Variants in KNTC1 observed in about 807,000 individuals in gnomAD.
The protein encoded by KNTC1 is kinetochore-associated protein 1.
A neutral mutation model predicts 314.4 loss-of-function variants in KNTC1; 253 were observed. The observed-to-expected ratio is 0.80, with a 90% CI of 0.73 to 0.89. The LOEUF is 0.89. Among genes scored for constraint, KNTC1 ranks in the 40% least tolerant of loss-of-function variants. The pLI is 0.00. For synonymous variants in KNTC1, 901 were observed against 901.4 expected (o/e 1.00, Z 0.01); for missense variants, 2,475 against 2,572.9 (o/e 0.96, Z 0.82).
At chr12:122,544,303 C>G (rs781416213) in intron 8 of KNTC1, 34 bp downstream of exon 8, 1 of 1,051,400 alleles carries the variant, frequency 9.5e-7, no homozygotes, top group Non-Finnish European at 1.4e-6. Context: ...TTTTTTGTTG[C>G]CTAAAGCATT....
At chr12:122,528,117 A>G (rs1289163746) in intron 1 of KNTC1, among the ~76,000 whole-genome samples, 1 of 152,222 alleles carries the variant, frequency 6.6e-6, no homozygotes, top group Non-Finnish European at 1.5e-5. Flanking sequence ...TGTCTGGCAC[A>G]TAGTAAATAG....
chr12:122,625,018 A>G (rs906642429), intron 63 of KNTC1, among the ~76,000 whole-genome samples: 1 of 152,188 alleles, frequency 6.6e-6, no homozygotes, highest in Non-Finnish European at 1.5e-5. Flanking sequence ...CTGAATTCTA[A>G]AAGGTGTTGA....
intron 27 of KNTC1, 74 bp from the exon 28 acceptor site, chr12:122,575,468 AT>A (rs1964951515): frequency 1.1e-6 from 1 of 946,392 alleles, no homozygotes; most frequent in East Asian, 2.6e-5. Context: ...AGACCTGCTG[AT>A]TAGACTGTGC....
In KNTC1 at chr12:122,551,729, C is replaced by G. The variant is rs566201185; in HGVS notation, c.1272+33C>G. Reference sequence around the variant, plus strand: ...TTCATGTATTCATTTGTTCACCAAACAAGCATTTCGTCATGGGCTAGAGGC... The same window carrying G: ...TTCATGTATTCATTTGTTCACCAAAGAAGCATTTCGTCATGGGCTAGAGGC... On this transcript the variant is annotated intron_variant, in intron 16 of 63. Transcript: ENST00000333479. 51 of 1,519,086 alleles carry G rather than the reference C, an allele frequency of 3.4e-5. No homozygotes were observed. The African/African-American group carries it at 6.7e-4, about 20-fold the overall frequency. The allele number at this position is 1,519,086 out of a possible 1,614,324, so 94.1% of individuals were successfully genotyped here. A position where few individuals can be genotyped will look rare whatever the true frequency, so the allele number is the denominator to read the frequency against.
At chr12:122,530,887 C>T (rs780935843) in intron 2 of KNTC1, among the ~76,000 whole-genome samples, 4 of 152,266 alleles carry the variant, frequency 2.6e-5, no homozygotes, top group East Asian at 1.9e-4. Context: ...GAGGTTTATC[C>T]GTGCATTTCT....
At chr12:122,573,835 G>C (rs1964855411) in intron 26 of KNTC1, among the ~76,000 whole-genome samples, 1 of 152,160 alleles carries the variant, frequency 6.6e-6, no homozygotes, top group Admixed American at 6.5e-5. Flanking sequence ...GTGAGCAGAG[G>C]GGTAACTTTG....
At chr12:122,590,810 C>T (rs1233660916) in intron 41 of KNTC1, 75 bp downstream of exon 41, 1 of 1,412,884 alleles carries the variant, frequency 7.1e-7, no homozygotes, top group Non-Finnish European at 9.7e-7. Context: ...TTGGTTTTGC[C>T]ACCTGTTCTT....
rs753021299 is a variant in KNTC1 at position 122,575,565 on chromosome 12, A to G, written c.2405A>G (p.Lys802Arg). 1.3e-6 allele frequency: 2 copies of G among 1,594,516 alleles called. No homozygotes were observed. The highest frequency in any genetic ancestry group is 3.5e-5 in the Admixed American group (2 of 56,538). The change falls in exon 28 of 64, where the codon AAG (lysine) becomes AGG (arginine). Residue 802 changes from lysine to arginine, a missense_variant. Transcript: ENST00000333479. ...TAGCTCATATTTGATGCCGTGCTCAAGATCATGTATGCGGCAGTGGTTCCT... is the reference window on the plus strand; with the variant it reads ...TAGCTCATATTTGATGCCGTGCTCAGGATCATGTATGCGGCAGTGGTTCCT... ...DTDLIFDAVLKIMYAAVVPWS... is the reference protein window; with the variant it reads ...DTDLIFDAVLRIMYAAVVPWS...
chr12:122,577,743 C>T lies in KNTC1; in HGVS notation c.2793C>T (p.Ile931=), dbSNP rs1457990030. Residue 931 remains isoleucine (I), a synonymous_variant, in exon 31 of 64, where the codon ATC becomes ATT. Coordinates refer to ENST00000333479, the MANE Select transcript of KNTC1 (RefSeq NM_014708.6). ...CTGAGAAAACTGCAGAAAGAGTCAT[C>T]ATATGGGCACGACTGGCATTACAAG... The part of the protein sequence containing the change: ...AEAEKTAERV[I]IWARLALQEE... 1 of 1,613,600 alleles carries T rather than the reference C, an allele frequency of 6.2e-7. No homozygotes were observed. Among genetic ancestry groups the T allele is most frequent in the Non-Finnish European group, 8.5e-7 (1 of 1,179,726 alleles).
chr12:122,572,928 T>G lies in KNTC1; in HGVS notation c.2020-9T>G. ...TATATCGTTAACAACTTTAACACTT[T>G]TGTTTTAGAAAGATTATCAGAACAC... On this transcript the variant is annotated splice_polypyrimidine_tract_variant and intron_variant, in intron 24 of 63. Coordinates refer to ENST00000333479, the MANE Select transcript of KNTC1 (RefSeq NM_014708.6). 1 of 1,536,286 alleles carries G rather than the reference T, an allele frequency of 6.5e-7. No individual in the cohort carries two copies. Among genetic ancestry groups the G allele is most frequent in the Non-Finnish European group, 8.9e-7 (1 of 1,128,090 alleles).
chr12:122,620,834 G>T (rs1441653456), intron 60 of KNTC1, among the ~76,000 whole-genome samples: 4 of 152,172 alleles, frequency 2.6e-5, no homozygotes, highest in African/African-American at 9.7e-5. Flanking sequence ...GTCTATCAGT[G>T]GGGAAACAAG....
intron 57 of KNTC1, among the ~76,000 whole-genome samples, 166 bp downstream of exon 57, chr12:122,615,692 T>C (rs573782633): frequency 6.6e-6 from 1 of 152,282 alleles, no homozygotes; most frequent in Non-Finnish European, 1.5e-5. Context: ...GAGGCCAAGG[T>C]GGAAGGATCA....
At chr12:122,618,010 A>T (rs1390632477) in intron 57 of KNTC1, among the ~76,000 whole-genome samples, 1 of 152,144 alleles carries the variant, frequency 6.6e-6, no homozygotes, top group Non-Finnish European at 1.5e-5. Context: ...GAGAGTTCAT[A>T]ATACCTTTTT....
rs1565949275 is a variant in KNTC1, at chr12:122,554,079, ATATAT to A, written c.1272+2384_1272+2388del. On this transcript the variant is annotated intron_variant, in intron 16 of 63. Transcript: ENST00000333479. ...AATACTTCCTTAAAAAAAAAAAAAT[ATATAT>A]ATATATATATATATATTTGTATTTT... 7.4e-3 allele frequency among the ~76,000 whole-genome samples: 870 copies of A among 118,308 alleles called. 9 individuals carry two copies. The highest frequency in any genetic ancestry group is 0.036 in the African/African-American group (828 of 23,234). The allele number at this position is 118,308 out of a possible 152,430, so 77.6% of individuals were successfully genotyped here.
At chr12:122,610,241 A>G (rs1289931363) in intron 52 of KNTC1, among the ~76,000 whole-genome samples, 3 of 152,200 alleles carry the variant, frequency 2.0e-5, no homozygotes, top group Non-Finnish European at 4.4e-5. Context: ...AGCTCCTGGT[A>G]TGTCTACCTG....
intron 51 of KNTC1, among the ~76,000 whole-genome samples, chr12:122,608,999 C>T (rs1261590501): frequency 6.6e-6 from 1 of 152,106 alleles, no homozygotes; most frequent in African/African-American, 2.4e-5. Flanking sequence ...GTTGAGGCTG[C>T]ACTGAGCCGT....
At chr12:122,561,176 C>T (rs1464736249) in intron 18 of KNTC1, among the ~76,000 whole-genome samples, 1 of 151,678 alleles carries the variant, frequency 6.6e-6, no homozygotes, top group Non-Finnish European at 1.5e-5. Context: ...TTAGCCAGGC[C>T]TGGTGGCGCA....
intron 2 of KNTC1, among the ~76,000 whole-genome samples, chr12:122,534,001 G>T (rs989384926): frequency 7.2e-5 from 11 of 152,214 alleles, no homozygotes; most frequent in African/African-American, 2.7e-4. Context: ...GTAAGGGACT[G>T]AGCTTCCTCA....
chr12:122,529,808 A>G (rs56977093), intron 1 of KNTC1, among the ~76,000 whole-genome samples, 183 bp from the exon 2 acceptor site: 5,783 of 152,308 alleles, frequency 0.038, 394 homozygotes, highest in African/African-American at 0.13. Flanking sequence ...TGCATAAACC[A>G]ATATGTTGTT....
Sources: allele counts gnomAD v4.1 joint callset (sites outside exome capture counted in the v4.1 genomes callset), GRCh38; gene constraint gnomAD v4.1.1; transcripts MANE v1.5; gene names NCBI Gene and HGNC (gene_info 2026-07-23, HGNC 2026-07-21).